SPAG9: variants seen among roughly 807,000 people sequenced by gnomAD.
SPAG9 encodes the protein sperm associated antigen 9.
A neutral mutation model predicts 166.5 loss-of-function variants in SPAG9; 35 were observed. That is an observed-to-expected ratio of 0.21 (90% confidence interval 0.16 to 0.28). The LOEUF is 0.28. Ranked by LOEUF, SPAG9 falls within the 10% of genes least tolerant of loss-of-function variation. SPAG9 has a pLI of 1.00. For synonymous variants in SPAG9, 534 were observed against 565.5 expected, an observed-to-expected ratio of 0.94 and a Z score of 0.79; for missense variants, 1,235 against 1,603.3, an observed-to-expected ratio of 0.77 and a Z score of 3.92.
At chr17:51,091,307 T>TA (rs2048458656) in intron 1 of SPAG9, among the ~76,000 whole-genome samples, 1 of 149,870 alleles carries the variant, frequency 6.7e-6, no homozygotes, top group South Asian at 2.1e-4. Flanking sequence ...TGAATGCTCA[T>TA]AAAAAGTCTA....
At chr17:51,035,298 T>C (rs1447478181) in intron 5 of SPAG9, among the ~76,000 whole-genome samples, 2 of 152,242 alleles carry the variant, frequency 1.3e-5, no homozygotes, top group South Asian at 2.1e-4. Context: ...GATTGTATTA[T>C]GGTTAGTTAA....
In SPAG9 at chr17:50,995,454, G is replaced by A. The variant is rs1197714500; in HGVS notation, c.2048C>T (p.Thr683Ile). Residue 683 changes from threonine to isoleucine, a missense_variant, in exon 17 of 30, where the codon ACA becomes ATA. Thr to Ile is a moderately conservative substitution (Grantham distance 89). Coordinates refer to ENST00000262013, the MANE Select transcript of SPAG9 (RefSeq NM_001130528.3). ...VYLRPLDEKD[T>I]SMKLWCAVGV... ...TCACAATGAACTTACCTTCATTGAT[G>A]TATCTTTTTCATCCAGAGGTCTGAG... 3 of 1,604,656 alleles carry A rather than the reference G, an allele frequency of 1.9e-6. No homozygotes were observed. The highest frequency in any genetic ancestry group is 2.6e-6 in the Non-Finnish European group (3 of 1,172,208).
chr17:51,066,256 G>A (rs1471833396), intron 2 of SPAG9, among the ~76,000 whole-genome samples: 1 of 151,798 alleles, frequency 6.6e-6, no homozygotes, highest in Non-Finnish European at 1.5e-5. Context: ...CACTACAGGC[G>A]TGTGCCACCA....
intron 1 of SPAG9, among the ~76,000 whole-genome samples, chr17:51,115,371 T>C (rs913699144): frequency 6.6e-6 from 1 of 151,720 alleles, no homozygotes; most frequent in Non-Finnish European, 1.5e-5. Context: ...TTTATGGTTT[T>C]TGGGGAAGAG....
At chr17:51,084,249 G>A (rs2048246900) in intron 1 of SPAG9, 1 of 152,086 alleles carries the variant, frequency 6.6e-6, no homozygotes, top group Non-Finnish European at 1.5e-5. Context: ...TATGAAGTCT[G>A]AGTAAGTTAT....
At chr17:50,973,273 T>C (rs1263801115) in intron 28 of SPAG9, among the ~76,000 whole-genome samples, 1 of 152,126 alleles carries the variant, frequency 6.6e-6, no homozygotes, top group South Asian at 2.1e-4. Context: ...AGGATTTGCA[T>C]CGACTTCAAG....
intron 5 of SPAG9, among the ~76,000 whole-genome samples, chr17:51,036,581 C>G (rs1357172226): frequency 6.6e-6 from 1 of 152,098 alleles, no homozygotes; most frequent in Non-Finnish European, 1.5e-5. Flanking sequence ...CTGCCTTCCT[C>G]ATCTGCTCAG....
At position 51,060,146 on chromosome 17, in the gene SPAG9, C is replaced by G. The variant is rs191068445; in HGVS notation, c.425-3664G>C. The stretch of plus-strand genomic sequence containing the variant: ...TGGACTGAATTGTGCTCCCTCACCC[C>G]CCAAATTCATAGGTTGAAGCTCTAC... On this transcript the variant is annotated intron_variant, in intron 2 of 29. Transcript: ENST00000262013. Among the ~76,000 whole-genome samples the G allele has an allele frequency of 5.3e-3, 806 of 152,128 alleles. 12 individuals carry two copies. Among genetic ancestry groups the G allele is most frequent in the African/African-American group, 0.019 (773 of 41,504 alleles).
At chr17:51,006,337 T>A in intron 10 of SPAG9, 100 bp from the exon 11 acceptor site, 1 of 1,131,618 alleles carries the variant, frequency 8.8e-7, no homozygotes, top group South Asian at 1.5e-5. Flanking sequence ...TAGACAATAA[T>A]AATTTAATAC....
At chr17:51,091,109 C>A (rs1056759756) in intron 1 of SPAG9, among the ~76,000 whole-genome samples, 1 of 151,282 alleles carries the variant, frequency 6.6e-6, no homozygotes, top group Non-Finnish European at 1.5e-5. Context: ...CCTGTCTCCA[C>A]GAAAAATATG....
At chr17:51,107,914 C>CAA (rs1313560884) in intron 1 of SPAG9, among the ~76,000 whole-genome samples, 2 of 122,958 alleles carry the variant, frequency 1.6e-5, no homozygotes, top group African/African-American at 3.1e-5. Flanking sequence ...GACACTGTCT[C>CAA]AAAAAAAAAA....
chr17:51,017,318 G>C (rs543693776), intron 8 of SPAG9, among the ~76,000 whole-genome samples: 2 of 152,304 alleles, frequency 1.3e-5, no homozygotes, highest in African/African-American at 4.8e-5. Flanking sequence ...AAAAGGGAGG[G>C]ATGAAGGAGG....
Position 51,113,285 on chromosome 17 carries a change from G to A in SPAG9, c.303+7069C>T, listed in dbSNP as rs531123310. 4.0e-5 allele frequency among the ~76,000 whole-genome samples: 6 copies of A among 150,290 alleles called. No homozygotes were observed. The East Asian group carries it at 7.9e-4, about 20-fold the overall frequency. ...GGAGAATCCTTTGTATCTGGGAGGC[G>A]GAGGTTGCAGTGAGCTGAGATCGCA... is the stretch of plus-strand genomic sequence containing the variant. On this transcript the variant is annotated intron_variant, in intron 1 of 29. Transcript: ENST00000262013.
chr17:51,035,264 C>G (rs1469901209), intron 5 of SPAG9, among the ~76,000 whole-genome samples: 1 of 152,066 alleles, frequency 6.6e-6, no homozygotes, highest in Non-Finnish European at 1.5e-5. Context: ...AGTATTGTAC[C>G]AAAGTTAATT....
At chr17:50,968,588 A>G (rs1231096762) in intron 29 of SPAG9, among the ~76,000 whole-genome samples, 1 of 151,858 alleles carries the variant, frequency 6.6e-6, no homozygotes, top group African/African-American at 2.4e-5. Flanking sequence ...AAAATTAACC[A>G]GGCGTGGTGG....
intron 6 of SPAG9, among the ~76,000 whole-genome samples, chr17:51,022,047 T>C (rs1598015498): frequency 7.1e-6 from 1 of 141,258 alleles, no homozygotes; most frequent in Non-Finnish European, 1.5e-5. Context: ...TGCTTGAACC[T>C]GGGAGGCGGA....
intron 1 of SPAG9, among the ~76,000 whole-genome samples, chr17:51,101,273 G>A (rs944069996): frequency 5.4e-5 from 8 of 148,102 alleles, no homozygotes; most frequent in African/African-American, 2.0e-4. Flanking sequence ...TCAAACCCAG[G>A]AGGCAGAGGT....
At chr17:50,976,873 T>C in intron 27 of SPAG9, 1 of 377,810 alleles carries the variant, frequency 2.6e-6, no homozygotes, top group Non-Finnish European at 4.8e-6. Flanking sequence ...AATAGGACTG[T>C]GATTCCTGAA....
intron 5 of SPAG9, 115 bp from the exon 6 acceptor site, chr17:51,031,837 CTG>C: frequency 1.3e-6 from 1 of 798,016 alleles, no homozygotes; most frequent in Non-Finnish European, 2.1e-6. Context: ...CTATTATCTA[CTG>C]TGTTTAAAAT....
Sources: allele counts gnomAD v4.1 joint callset (sites outside exome capture counted in the v4.1 genomes callset), GRCh38; gene constraint gnomAD v4.1.1; transcripts MANE v1.5; gene names NCBI Gene and HGNC (gene_info 2026-07-23, HGNC 2026-07-21).